ATP10A: variants seen among roughly 807,000 people sequenced by gnomAD.
The protein encoded by ATP10A is ATPase phospholipid transporting 10A (putative).
Under a neutral mutation model 147.8 loss-of-function variants are expected in ATP10A, and 111 were observed. The ratio of observed to expected loss-of-function variants is 0.75; its 90% CI spans 0.64 to 0.88. ATP10A has a LOEUF of 0.88. ATP10A is among the 40% of genes least tolerant of loss of function. The probability of loss-of-function intolerance (pLI) is 0.00; values close to 1 mark genes in which losing one functional copy is unlikely to be tolerated. For missense variants in ATP10A, 1,927 were observed against 1,959.0 expected (o/e 0.98, Z 0.31); for synonymous variants, 875 against 841.6 (o/e 1.04, Z -0.69).
chr15:25,745,068 G>A (rs1426520708), intron 2 of ATP10A, among the ~76,000 whole-genome samples: 1 of 152,218 alleles, frequency 6.6e-6, no homozygotes, highest in African/African-American at 2.4e-5. Flanking sequence ...GCTCACGCCT[G>A]TAATCCCAGC....
At chr15:25,695,206 C>T (rs1473462222) in intron 13 of ATP10A, 60 bp from the exon 14 acceptor site, 1 of 1,496,316 alleles carries the variant, frequency 6.7e-7, no homozygotes, top group African/African-American at 1.4e-5. Context: ...AACATCCCCG[C>T]CCTGGCTCAA....
chr15:25,757,679 G>C (rs1245854377), intron 2 of ATP10A, among the ~76,000 whole-genome samples: 2 of 152,146 alleles, frequency 1.3e-5, no homozygotes, highest in Non-Finnish European at 2.9e-5. Flanking sequence ...TCTTTCTTTT[G>C]CATGAGAGAT....
intron 7 of ATP10A, among the ~76,000 whole-genome samples, chr15:25,719,910 C>A (rs1415234102): frequency 2.0e-5 from 3 of 152,150 alleles, no homozygotes; most frequent in Non-Finnish European, 1.5e-5. Flanking sequence ...CTGGAGAGGT[C>A]AGATCATAAG....
intron 1 of ATP10A, among the ~76,000 whole-genome samples, chr15:25,814,214 G>A (rs1891553245): frequency 6.6e-6 from 1 of 152,160 alleles, no homozygotes; most frequent in Non-Finnish European, 1.5e-5. Flanking sequence ...AAACAATGAA[G>A]CAAAAAGACA....
intron 1 of ATP10A, among the ~76,000 whole-genome samples, chr15:25,802,311 T>C (rs56168165): frequency 0.14 from 21,775 of 152,116 alleles, 1,725 homozygotes; most frequent in Middle Eastern, 0.23. Context: ...TTGAGGACCA[T>C]GTTCCTCAGC....
At chr15:25,699,059 T>C (rs1900519242) in intron 13 of ATP10A, among the ~76,000 whole-genome samples, 1 of 152,096 alleles carries the variant, frequency 6.6e-6, no homozygotes, top group Non-Finnish European at 1.5e-5. Flanking sequence ...AAATAAAAGC[T>C]CCAGCAGGAA....
At chr15:25,723,764 C>T (rs1902385662) in intron 6 of ATP10A, 127 bp downstream of exon 6, 1 of 783,860 alleles carries the variant, frequency 1.3e-6, no homozygotes, top group South Asian at 3.3e-5. Context: ...AAAGGCAGAA[C>T]TCCAGGTAGA....
At chr15:25,847,609 C>CTT (rs34212354) in intron 1 of ATP10A, among the ~76,000 whole-genome samples, 502 of 40,738 alleles carry the variant, frequency 0.012, 192 homozygotes, top group Non-Finnish European at 0.021. Context: ...CAGCTACAGC[C>CTT]TTTTTTTTTT....
chr15:25,829,017 C>T (rs904739290), intron 1 of ATP10A, among the ~76,000 whole-genome samples: 4 of 152,028 alleles, frequency 2.6e-5, no homozygotes, highest in Non-Finnish European at 4.4e-5. Flanking sequence ...GGAACATGTG[C>T]GAGAAAGGAG....
At chr15:25,743,274 C>T (rs753884485) in intron 2 of ATP10A, among the ~76,000 whole-genome samples, 2 of 152,148 alleles carry the variant, frequency 1.3e-5, no homozygotes, top group Non-Finnish European at 2.9e-5. Flanking sequence ...ACTGAAATGG[C>T]AACAGAAATG....
chr15:25,806,470 G>A (rs1333650392), intron 1 of ATP10A, among the ~76,000 whole-genome samples: 16 of 151,878 alleles, frequency 1.1e-4, no homozygotes, highest in South Asian at 1.0e-3. Context: ...CTGCCACCAC[G>A]CCCAGCTAAT....
chr15:25,861,562 A>G (rs947278023), intron 1 of ATP10A, among the ~76,000 whole-genome samples: 1 of 152,206 alleles, frequency 6.6e-6, no homozygotes, highest in East Asian at 1.9e-4. Flanking sequence ...GTGAATGCCT[A>G]CGTTTAAGAG....
At chr15:25,787,994 C>T (rs149770759) in intron 1 of ATP10A, among the ~76,000 whole-genome samples, 9 of 152,092 alleles carry the variant, frequency 5.9e-5, no homozygotes, top group African/African-American at 2.2e-4. Context: ...AGAGAGTTCC[C>T]GCTAGGGCAG....
chr15:25,685,156 T>C (rs883496), intron 16 of ATP10A, among the ~76,000 whole-genome samples: 73,209 of 151,996 alleles, frequency 0.48, 20,310 homozygotes, highest in African/African-American at 0.77. Context: ...ACCACTGTTG[T>C]TATGGAAACC....
rs1408870604 is a variant in ATP10A, at chr15:25,679,531, A to T, written c.4310T>A (p.Leu1437Ter). The T allele has an allele frequency of 3.1e-6, 5 of 1,613,426 alleles. No homozygotes were observed. The highest frequency in any genetic ancestry group is 4.2e-6 in the Non-Finnish European group (5 of 1,179,480). Reference sequence around the variant, plus strand: ...CGACCAGGAGGAAATCCAGTTGAGTAAGCTGAAGGTAGGCAGGCTGAAGAG... The same window carrying T: ...CGACCAGGAGGAAATCCAGTTGAGTTAGCTGAAGGTAGGCAGGCTGAAGAG... ...SSLFSLPTFS[L>*]LNWISSWSLV... Residue 1437 changes from leucine (L) to a stop codon, truncating the protein, a stop_gained, in exon 21 of 21, where the codon TTA (leucine) becomes TAA (stop). Coordinates refer to ENST00000555815, the MANE Select transcript of ATP10A (RefSeq NM_024490.4). LOFTEE classifies it high-confidence loss of function.
Position 25,687,712 on chromosome 15 carries a change from G to T in ATP10A, c.3282C>A (p.Tyr1094Ter). The change falls in exon 16 of 21, where the codon TAC becomes TAA. Residue 1094 changes from tyrosine to a stop codon, truncating the protein, a stop_gained. Transcript: ENST00000555815. LOFTEE classifies it high-confidence loss of function. ...GGTATCCAATACCTACTGTGTTTTT[G>T]TAGAAGAAGTACAGCACCATGTTGG... ...RLANMVLYFF[Y>*]KNTMFVGLLF... is the part of the protein sequence containing the mutation. 1 of 1,592,510 alleles carries T rather than the reference G, an allele frequency of 6.3e-7. No individual in the cohort carries two copies. The highest frequency in any genetic ancestry group is 8.6e-7 in the Non-Finnish European group (1 of 1,167,002).
At chr15:25,725,283 T>A (rs760235665) in intron 5 of ATP10A, among the ~76,000 whole-genome samples, 2 of 152,116 alleles carry the variant, frequency 1.3e-5, no homozygotes, top group Admixed American at 6.5e-5. Flanking sequence ...GTGGAAAAAA[T>A]GTCTTCATAA....
chr15:25,698,707 A>G (rs985802247), intron 13 of ATP10A, among the ~76,000 whole-genome samples: 2 of 152,196 alleles, frequency 1.3e-5, no homozygotes, highest in Non-Finnish European at 2.9e-5. Flanking sequence ...CCTACAAAAA[A>G]TGTTGTACAG....
intron 1 of ATP10A, among the ~76,000 whole-genome samples, chr15:25,789,743 C>T (rs1023135615): frequency 6.6e-6 from 1 of 152,086 alleles, no homozygotes; most frequent in African/African-American, 2.4e-5. Context: ...AAGGTTTCTC[C>T]GCCATCAGCG....
Sources: allele counts gnomAD v4.1 joint callset (sites outside exome capture counted in the v4.1 genomes callset), GRCh38; gene constraint gnomAD v4.1.1; transcripts MANE v1.5; gene names NCBI Gene and HGNC (gene_info 2026-07-23, HGNC 2026-07-21).